PRR5L: variants seen among roughly 807,000 people sequenced by gnomAD.
PRR5L encodes the protein proline rich 5 like.
In PRR5L, 21 loss-of-function variants were observed where a neutral mutation model predicts 36.4. That is an observed-to-expected ratio of 0.58 (90% CI 0.41 to 0.83). The LOEUF (loss-of-function observed/expected upper bound fraction) is 0.83, where lower values mean the gene tolerates loss of function less well. Among genes scored for constraint, PRR5L ranks in the 40% least tolerant of loss-of-function variants. PRR5L has a pLI of 0.00. For missense variants in PRR5L, 381 were observed against 473.3 expected (o/e 0.80, Z 1.81); for synonymous variants, 188 against 197.0 (o/e 0.95, Z 0.38).
chr11:36,419,753 T>A (rs766055062), intron 4 of PRR5L, among the ~76,000 whole-genome samples: 5 of 152,234 alleles, frequency 3.3e-5, no homozygotes, highest in African/African-American at 9.6e-5. Context: ...GATTCTTATA[T>A]CTGCTTCACT....
intron 8 of PRR5L, among the ~76,000 whole-genome samples, chr11:36,453,712 G>A (rs1349915124): frequency 1.2e-4 from 18 of 152,148 alleles, no homozygotes. Context: ...TCTCATCAGT[G>A]TACACATGTT....
chr11:36,350,400 A>G (rs933929554), intron 1 of PRR5L, among the ~76,000 whole-genome samples: 9 of 151,632 alleles, frequency 5.9e-5, no homozygotes, highest in Non-Finnish European at 8.8e-5. Flanking sequence ...GGGAGTGAAG[A>G]ATAAGAGGGA....
At chr11:36,400,176 G>A (rs1324560925) in intron 1 of PRR5L, among the ~76,000 whole-genome samples, 1 of 152,226 alleles carries the variant, frequency 6.6e-6, no homozygotes, top group African/African-American at 2.4e-5. Flanking sequence ...TAGTTGGTAC[G>A]AGCAAAAGTG....
At chr11:36,442,682 G>A (rs1303641104) in intron 6 of PRR5L, among the ~76,000 whole-genome samples, 3 of 151,998 alleles carry the variant, frequency 2.0e-5, no homozygotes, top group Admixed American at 1.3e-4. Flanking sequence ...TCACTCTTAA[G>A]TTCAACCTCC....
At chr11:36,371,115 C>T (rs1025641192) in intron 1 of PRR5L, among the ~76,000 whole-genome samples, 3 of 152,092 alleles carry the variant, frequency 2.0e-5, no homozygotes, top group South Asian at 2.1e-4. Flanking sequence ...ACCAGAAATA[C>T]CCCATTGCTA....
At chr11:36,406,732 A>G (rs1857919608) in intron 3 of PRR5L, among the ~76,000 whole-genome samples, 1 of 152,232 alleles carries the variant, frequency 6.6e-6, no homozygotes, top group Non-Finnish European at 1.5e-5. Context: ...GGTGGGGCAC[A>G]GGATGGTAGG....
chr11:36,367,774 G>A (rs1230977918), intron 1 of PRR5L, among the ~76,000 whole-genome samples: 1 of 143,992 alleles, frequency 6.9e-6, no homozygotes, highest in Non-Finnish European at 1.5e-5. Flanking sequence ...CTCTCTCTCT[G>A]TTGCCGTCTC....
intron 1 of PRR5L, among the ~76,000 whole-genome samples, chr11:36,353,107 T>C (rs1400946675): frequency 1.3e-5 from 2 of 152,200 alleles, no homozygotes; most frequent in Middle Eastern, 3.2e-3. Flanking sequence ...TGGGTGACTG[T>C]CACCCACATT....
intron 1 of PRR5L, among the ~76,000 whole-genome samples, chr11:36,337,144 C>T (rs1856776290): frequency 1.3e-5 from 2 of 152,122 alleles, no homozygotes; most frequent in African/African-American, 2.4e-5. Context: ...TTGCCACGGT[C>T]GCTGGGTCAT....
At chr11:36,433,737 G>GT (rs1423613490) in intron 5 of PRR5L, among the ~76,000 whole-genome samples, 1 of 152,110 alleles carries the variant, frequency 6.6e-6, no homozygotes, top group Non-Finnish European at 1.5e-5. Context: ...TTTAGTAGGC[G>GT]TTTCACCATG....
intron 1 of PRR5L, among the ~76,000 whole-genome samples, chr11:36,366,118 A>C (rs896626565): frequency 6.6e-6 from 1 of 152,210 alleles, no homozygotes; most frequent in Non-Finnish European, 1.5e-5. Context: ...TGAAGAACTT[A>C]CACTGGGAAA....
At chr11:36,385,096 T>G (rs1420995411) in intron 1 of PRR5L, among the ~76,000 whole-genome samples, 2 of 152,252 alleles carry the variant, frequency 1.3e-5, no homozygotes, top group Non-Finnish European at 2.9e-5. Flanking sequence ...AAACTCTTGT[T>G]GGCTGCCAGA....
rs1859221189 is a variant in PRR5L at position 36,462,824 on chromosome 11, C to T, written c.*88C>T. The T allele has an allele frequency of 3.2e-6, 4 of 1,251,598 alleles. No individual in the cohort carries two copies. Among genetic ancestry groups the T allele is most frequent in the Non-Finnish European group, 3.3e-6 (3 of 916,904 alleles). The allele number at this position is 1,251,598 out of a possible 1,614,324, so 77.5% of individuals were successfully genotyped here. Reference sequence around the variant, plus strand: ...CGTGGATTACTGAGGGGGGCTCTTGCTTTATGCGATGCTGCCTTATTTCCT... The same window carrying T: ...CGTGGATTACTGAGGGGGGCTCTTGTTTTATGCGATGCTGCCTTATTTCCT... On this transcript the variant is annotated 3_prime_UTR_variant, in exon 9 of 9. Coordinates refer to ENST00000530639, the MANE Select transcript of PRR5L (RefSeq NM_001160167.2).
At chr11:36,315,409 A>T (rs1480614069) in intron 1 of PRR5L, among the ~76,000 whole-genome samples, 1 of 152,148 alleles carries the variant, frequency 6.6e-6, no homozygotes, top group Admixed American at 6.5e-5. Context: ...GGAAATCCTG[A>T]TGTTATTTTG....
At chr11:36,301,681 A>G (rs528231975) in intron 1 of PRR5L, among the ~76,000 whole-genome samples, 1 of 152,308 alleles carries the variant, frequency 6.6e-6, no homozygotes, top group Admixed American at 6.5e-5. Context: ...AGAGGAGAGC[A>G]GAGGGGACAC....
intron 7 of PRR5L, among the ~76,000 whole-genome samples, chr11:36,450,444 A>C (rs1044414105): frequency 1.3e-5 from 2 of 152,160 alleles, no homozygotes; most frequent in Non-Finnish European, 2.9e-5. Flanking sequence ...TGAACTCCCC[A>C]GGAGTCTGCC....
chr11:36,351,617 A>ATTTATATATT (rs1565408995), intron 1 of PRR5L, among the ~76,000 whole-genome samples: 1 of 12,320 alleles, frequency 8.1e-5, no homozygotes, highest in Non-Finnish European at 1.3e-4. Flanking sequence ...ATATTTATAT[A>ATTTATATATT]TTTATATATT....
chr11:36,360,879 A>G (rs1857079538), intron 1 of PRR5L, among the ~76,000 whole-genome samples: 1 of 152,120 alleles, frequency 6.6e-6, no homozygotes, highest in African/African-American at 2.4e-5. Context: ...TGATTCAAGA[A>G]GCAAGTATAA....
chr11:36,356,609 A>G (rs1201172392), intron 1 of PRR5L, among the ~76,000 whole-genome samples: 2 of 152,130 alleles, frequency 1.3e-5, no homozygotes, highest in African/African-American at 4.8e-5. Context: ...CATTTTGGTA[A>G]TTCTCACAAT....
Sources: gnomAD v4.1 joint callset for allele counts (sites outside exome capture counted in the v4.1 genomes callset) on GRCh38, gnomAD v4.1.1 for gene constraint, MANE v1.5 for transcripts, NCBI Gene and HGNC (gene_info 2026-07-23, HGNC 2026-07-21) for gene names.